Variants in CAPN7 observed in about 807,000 individuals in gnomAD.
The protein encoded by CAPN7 is calpain 7, also known as calpain-7.
CAPN7 carries 72 observed loss-of-function variants against 115.2 expected under a neutral mutation model. That is an observed-to-expected ratio of 0.63 (90% confidence interval 0.52 to 0.76). The LOEUF (loss-of-function observed/expected upper bound fraction) is 0.76. Ranked by LOEUF, CAPN7 falls within the 30% of genes least tolerant of loss-of-function variation. The pLI is 0.00. For synonymous variants in CAPN7, 344 were observed against 322.3 expected (o/e 1.07, Z -0.72); for missense variants, 905 against 971.5 (o/e 0.93, Z 0.91).
chr3:15,226,012 G>T (rs1433447966), intron 6 of CAPN7, among the ~76,000 whole-genome samples: 1 of 152,070 alleles, frequency 6.6e-6, no homozygotes, highest in Non-Finnish European at 1.5e-5. Flanking sequence ...TTTCTATTCG[G>T]TCGTGTATTA....
At chr3:15,218,699 C>T (rs1319871935) in intron 4 of CAPN7, among the ~76,000 whole-genome samples, 159 bp downstream of exon 4, 3 of 152,266 alleles carry the variant, frequency 2.0e-5, no homozygotes, top group Non-Finnish European at 4.4e-5. Context: ...TTTACCTCCT[C>T]TCTCTAGTTC....
Position 15,245,507 on chromosome 3 carries a change from C to T in CAPN7, c.1865-19C>T, listed in dbSNP as rs377223516. The T allele has an allele frequency of 1.0e-5, 16 of 1,602,006 alleles. No homozygotes were observed. The African/African-American group carries it at 1.6e-4, about 16-fold the overall frequency. On this transcript the variant is annotated intron_variant, in intron 16 of 20. Transcript: ENST00000253693. ...AAAGAAAAGTCTCCTTTTCTCTAAG[C>T]CTACTTGTTTGTTTGCAGCTGACCC...
rs180839051 is a variant in CAPN7 at position 15,232,375 on chromosome 3, A to G, written c.1033-144A>G. On this transcript the variant is annotated intron_variant, in intron 9 of 20. Transcript: ENST00000253693. ...AAAAGAACAACATTTTGTAATTGGT[A>G]TGATTCTAGAAACATTACCTTAATA... The G allele has an allele frequency of 2.3e-4, 136 of 584,924 alleles. No homozygotes were observed. In the Admixed American group the frequency reaches 4.7e-3, roughly 20 times the overall value. The allele number at this position is 584,924 out of a possible 1,614,324, so 36.2% of individuals were successfully genotyped here.
At chr3:15,240,129 G>T (rs7623464) in intron 12 of CAPN7, among the ~76,000 whole-genome samples, 18,955 of 152,206 alleles carry the variant, frequency 0.12, 3,941 homozygotes, top group African/African-American at 0.43. Flanking sequence ...GAAATGTTCT[G>T]TATCTGGGCT....
Position 15,251,144 on chromosome 3 carries a change from A to C in CAPN7, c.2326A>C (p.Asn776His). The change falls in exon 21 of 21, where the codon AAT becomes CAT. Residue 776 changes from asparagine (N) to histidine (H), a missense_variant. Coordinates refer to ENST00000253693, the MANE Select transcript of CAPN7 (RefSeq NM_014296.3). The stretch of plus-strand genomic sequence containing the variant: ...TGGGTTTTGCTACCTGGAATTAGAA[A>C]ATATACCTTCTGGGATCTTCAATAT... ...RCGFCYLELE[N>H]IPSGIFNIIP... The C allele has an allele frequency of 6.2e-7, 1 of 1,607,294 alleles. No individual in the cohort carries two copies. The highest frequency in any genetic ancestry group is 8.5e-7 in the Non-Finnish European group (1 of 1,176,626).
intron 3 of CAPN7, 139 bp from the exon 4 acceptor site, chr3:15,218,334 T>G: frequency 3.1e-6 from 2 of 640,776 alleles, no homozygotes; most frequent in Non-Finnish European, 5.4e-6. Context: ...CCTTTAAGGA[T>G]GAGAATTAAT....
intron 12 of CAPN7, among the ~76,000 whole-genome samples, chr3:15,238,849 ATTTTTTTTTTT>A (rs59838740): frequency 3.5e-5 from 4 of 113,998 alleles, no homozygotes; most frequent in East Asian, 2.5e-4. Context: ...GCAAAATCAA[ATTTTTTTTTTT>A]TTTTTTTTTT....
intron 8 of CAPN7, 141 bp downstream of exon 8, chr3:15,229,200 T>G: frequency 1.6e-6 from 1 of 627,740 alleles, no homozygotes; most frequent in South Asian, 2.2e-5. Flanking sequence ...AGCAGATGAT[T>G]TATGAATGTG....
At chr3:15,224,516 A>G (rs780976460) in intron 6 of CAPN7, among the ~76,000 whole-genome samples, 11 of 151,962 alleles carry the variant, frequency 7.2e-5, no homozygotes, top group Non-Finnish European at 1.5e-4. Context: ...CAAGTGATCC[A>G]TCTGCCTCAG....
chr3:15,206,476 C>A lies in CAPN7; in HGVS notation c.-20C>A. On this transcript the variant is annotated 5_prime_UTR_variant, in exon 1 of 21. Coordinates refer to ENST00000253693, the MANE Select transcript of CAPN7 (RefSeq NM_014296.3). ...TGCGTCAGGGCCTCCTTCCCTGCCC[C>A]GGCGCGGGGCCACTGCGCCATGGAC... 1.3e-6 allele frequency: 2 copies of A among 1,529,418 alleles called. No homozygotes were observed. The highest frequency in any genetic ancestry group is 1.8e-6 in the Non-Finnish European group (2 of 1,133,606). The allele number at this position is 1,529,418 out of a possible 1,614,324, so 94.7% of individuals were successfully genotyped here.
Position 15,218,145 on chromosome 3 carries a change from A to C in CAPN7, c.370-328A>C, listed in dbSNP as rs191924373. On this transcript the variant is annotated intron_variant, in intron 3 of 20. Coordinates refer to ENST00000253693, the MANE Select transcript of CAPN7 (RefSeq NM_014296.3). ...GCAGAGACTTTTGCTCAGAGAGACC[A>C]TCTGGCCTGATTTCTGTAGGTGCCT... 5.3e-5 allele frequency among the ~76,000 whole-genome samples: 8 copies of C among 152,348 alleles called. No individual in the cohort carries two copies. The East Asian group carries it at 1.5e-3, about 29-fold the overall frequency.
chr3:15,206,637 C>T, intron 1 of CAPN7, 40 bp downstream of exon 1: 1 of 1,439,556 alleles, frequency 6.9e-7, no homozygotes, highest in Non-Finnish European at 9.5e-7. Flanking sequence ...GTTGCTCAGT[C>T]GGAGTGCGGC....
chr3:15,246,113 T>C (rs1695645171), intron 17 of CAPN7: 1 of 154,860 alleles, frequency 6.5e-6, no homozygotes, highest in Non-Finnish European at 1.4e-5. Context: ...AATTTTTGTA[T>C]TTTTTGTAGA....
At chr3:15,232,876 A>G (rs1188764870) in intron 10 of CAPN7, among the ~76,000 whole-genome samples, 1 of 152,180 alleles carries the variant, frequency 6.6e-6, no homozygotes, top group Non-Finnish European at 1.5e-5. Context: ...TTTTGTTGGG[A>G]TACAAGGCCA....
chr3:15,234,891 C>T (rs1575215966), intron 11 of CAPN7, 134 bp from the exon 12 acceptor site: 2 of 583,006 alleles, frequency 3.4e-6, no homozygotes, highest in Admixed American at 7.2e-5. Flanking sequence ...TAGAAATGTA[C>T]TTCTTTTTGA....
chr3:15,211,950 G>A lies in CAPN7; in HGVS notation c.103-154G>A, dbSNP rs184051004. 2.6e-5 allele frequency among the ~76,000 whole-genome samples: 4 copies of A among 152,184 alleles called. No individual in the cohort carries two copies. The East Asian group carries it at 7.7e-4, about 29-fold the overall frequency. On this transcript the variant is annotated intron_variant, in intron 1 of 20. Coordinates refer to ENST00000253693, the MANE Select transcript of CAPN7 (RefSeq NM_014296.3). ...ATACTGAAGAAAACATTGGAAGATT[G>A]TATAACTACTTTATGAAAAAAATTA...
chr3:15,222,282 CA>C (rs986821445), intron 5 of CAPN7, among the ~76,000 whole-genome samples: 2 of 149,630 alleles, frequency 1.3e-5, no homozygotes, highest in Non-Finnish European at 3.0e-5. Context: ...GGAGCTGTAC[CA>C]AAAAAAAATG....
At chr3:15,227,035 C>T (rs1042634554) in intron 6 of CAPN7, among the ~76,000 whole-genome samples, 7 of 151,048 alleles carry the variant, frequency 4.6e-5, no homozygotes, top group African/African-American at 1.7e-4. Context: ...AGGCTGGTAT[C>T]AGCCTTGGCT....
chr3:15,226,072 GT>G (rs1210963584), intron 6 of CAPN7, among the ~76,000 whole-genome samples: 2 of 151,314 alleles, frequency 1.3e-5, no homozygotes, highest in African/African-American at 2.5e-5. Context: ...ATAATTGTAA[GT>G]TTTTTTATTT....
Sources: gnomAD v4.1 joint callset for allele counts (sites outside exome capture counted in the v4.1 genomes callset) on GRCh38, gnomAD v4.1.1 for gene constraint, MANE v1.5 for transcripts, NCBI Gene and HGNC (gene_info 2026-07-23, HGNC 2026-07-21) for gene names.